Variants in SCUBE2 observed in about 807,000 individuals in gnomAD.
SCUBE2 encodes the protein signal peptide, CUB domain and EGF like domain containing 2, also known as signal peptide, CUB and EGF-like domain-containing protein 2.
In SCUBE2, 114 loss-of-function variants were observed where a neutral mutation model predicts 125.9. That is an observed-to-expected ratio of 0.91 (90% confidence interval 0.78 to 1.06). The LOEUF (loss-of-function observed/expected upper bound fraction) is 1.06, where lower values mean the gene tolerates loss of function less well. SCUBE2 is among the 50% of genes least tolerant of loss of function. The pLI is 0.00. For synonymous variants in SCUBE2, 459 were observed against 492.9 expected, an observed-to-expected ratio of 0.93 and a Z score of 0.91; for missense variants, 1,255 against 1,301.8, an observed-to-expected ratio of 0.96 and a Z score of 0.55.
chr11:9,025,581 T>C, intron 21 of SCUBE2, 121 bp downstream of exon 21: 2 of 1,254,038 alleles, frequency 1.6e-6, no homozygotes, highest in Non-Finnish European at 2.2e-6. Context: ...GCAATGTCTT[T>C]TCCCCTCATC....
In SCUBE2 at chr11:9,091,464, AGC is replaced by A; in HGVS notation, c.63_64del (p.Leu22AlafsTer26). Reference sequence around the variant, plus strand: ...CCCCGCCAGCAGCAGCAGTGGCGGCAGCAGCAGCAGCAGCAGCAGCACCGCCC... The same window carrying A: ...CCCCGCCAGCAGCAGCAGTGGCGGCAAGCAGCAGCAGCAGCAGCACCGCCC... On this transcript the variant is annotated frameshift_variant, in exon 1 of 23. Transcript: ENST00000649792. LOFTEE classifies it high-confidence loss of function. This position sits in a 1 kb window ranked among gnomAD's most constrained non-coding sequence, Gnocchi z 8.5. The A allele has an allele frequency of 5.1e-6, 2 of 391,878 alleles. No individual in the cohort carries two copies. Among genetic ancestry groups the A allele is most frequent in the South Asian group, 1.7e-4 (2 of 11,774 alleles). The allele number at this position is 391,878 out of a possible 1,614,324, so 24.3% of individuals were successfully genotyped here.
intron 2 of SCUBE2, 55 bp downstream of exon 2, chr11:9,089,652 C>T: frequency 6.3e-7 from 1 of 1,594,200 alleles, no homozygotes. Context: ...ACTGCAAGAG[C>T]TAAGGAGGTA....
intron 8 of SCUBE2, chr11:9,059,775 G>C (rs1307158744): frequency 5.0e-6 from 1 of 199,776 alleles, no homozygotes; most frequent in Non-Finnish European, 1.0e-5. Flanking sequence ...ATGTATTCAA[G>C]TTTAATGATT....
At chr11:9,075,001 A>G (rs1005843441) in intron 3 of SCUBE2, among the ~76,000 whole-genome samples, 2 of 152,106 alleles carry the variant, frequency 1.3e-5, no homozygotes, top group Non-Finnish European at 2.9e-5. Context: ...GGATCACCTG[A>G]GGTCAGGAAT....
chr11:9,091,442 C>G lies in SCUBE2; in HGVS notation c.87G>C (p.Ala29=), dbSNP rs907432684. 1.5e-6 allele frequency: 2 copies of G among 1,337,488 alleles called. No homozygotes were observed. Among genetic ancestry groups the G allele is most frequent in the South Asian group, 1.8e-5 (1 of 54,602 alleles). The allele number at this position is 1,337,488 out of a possible 1,614,324, so 82.9% of individuals were successfully genotyped here. ...GGCCCCGACCCGGCGGGACGGCCCC[C>G]GCCAGCAGCAGCAGTGGCGGCAGCA... is the stretch of plus-strand genomic sequence containing the variant. The part of the protein sequence containing the change: ...LLLLPPLLLL[A]GAVPPGRGRA... Residue 29 remains alanine (A), a synonymous_variant, in exon 1 of 23, where the codon GCG becomes GCC. Coordinates refer to ENST00000649792, the MANE Select transcript of SCUBE2 (RefSeq NM_001367977.2). This position sits in a 1 kb window ranked among gnomAD's most constrained non-coding sequence, Gnocchi z 8.5.
rs1406116917 is a variant in SCUBE2, at chr11:9,020,025, G to A, written c.*1020C>T. 6.6e-6 allele frequency among the ~76,000 whole-genome samples: 1 copy of A among 152,198 alleles called. No individual in the cohort carries two copies. The highest frequency in any genetic ancestry group is 1.5e-5 in the Non-Finnish European group (1 of 68,036). On this transcript the variant is annotated 3_prime_UTR_variant, in exon 23 of 23. Coordinates refer to ENST00000649792, the MANE Select transcript of SCUBE2 (RefSeq NM_001367977.2). ...GTTAGAGAATGAGACCACCCTTCAA[G>A]GGGCTGCTCATGTCCACGGAGCAGA...
intron 21 of SCUBE2, chr11:9,024,160 T>C: frequency 1.9e-6 from 2 of 1,052,328 alleles, no homozygotes; most frequent in Non-Finnish European, 2.3e-6. Flanking sequence ...ACAACTCTTT[T>C]TCATTTTAAA....
intron 2 of SCUBE2, among the ~76,000 whole-genome samples, chr11:9,089,213 G>A (rs1862392796): frequency 6.6e-6 from 1 of 152,216 alleles, no homozygotes; most frequent in African/African-American, 2.4e-5. Context: ...GGTCCTTGGT[G>A]TACTCTGAAG....
chr11:9,059,470 T>C, intron 8 of SCUBE2, 45 bp from the exon 9 acceptor site: 2 of 1,584,714 alleles, frequency 1.3e-6, no homozygotes, highest in African/African-American at 2.7e-5. Context: ...AATACTTGCC[T>C]CATTTCCCAC....
intron 11 of SCUBE2, 35 bp downstream of exon 11, chr11:9,053,602 C>T: frequency 6.2e-7 from 1 of 1,608,572 alleles, no homozygotes; most frequent in African/African-American, 1.3e-5. Context: ...CAGTGGCCAG[C>T]CTGCTGTCTG....
chr11:9,053,637 C>A lies in SCUBE2; in HGVS notation c.1330G>T (p.Glu444Ter), dbSNP rs1858671588. Residue 444 changes from glutamate to a stop codon, truncating the protein, a stop_gained and splice_region_variant, in exon 11 of 23, where the codon GAA becomes TAA. Transcript: ENST00000649792. LOFTEE classifies it high-confidence loss of function. ...GAGTCTGTGCCTCGGTTCCCCTTACCCACACAGTCTTTTTTATTCCAGTGG... is the reference window on the plus strand; with the variant it reads ...GAGTCTGTGCCTCGGTTCCCCTTACACACACAGTCTTTTTTATTCCAGTGG... ...KLHWNKKDCV[E>*]VKGLLPTSVS... 6.2e-7 allele frequency: 1 copy of A among 1,613,804 alleles called. No individual in the cohort carries two copies. The highest frequency in any genetic ancestry group is 1.3e-5 in the African/African-American group (1 of 74,908).
chr11:9,056,038 T>C, intron 9 of SCUBE2, 129 bp from the exon 10 acceptor site: 1 of 718,744 alleles, frequency 1.4e-6, no homozygotes, highest in Non-Finnish European at 2.5e-6. Flanking sequence ...ACATTATCTA[T>C]CCATTTTCCT....
intron 19 of SCUBE2, among the ~76,000 whole-genome samples, chr11:9,027,980 A>G (rs1855940590): frequency 6.6e-6 from 1 of 152,228 alleles, no homozygotes; most frequent in Admixed American, 6.5e-5. Context: ...GAGAACTTTG[A>G]TGAAGACAGA....
chr11:9,059,759 T>C (rs1859475638), intron 8 of SCUBE2: 2 of 235,934 alleles, frequency 8.5e-6, no homozygotes, highest in East Asian at 1.8e-4. Context: ...GTCTCTTTAG[T>C]ACACTATGTA....
intron 21 of SCUBE2, 55 bp downstream of exon 21, chr11:9,025,647 G>A: frequency 2.5e-6 from 4 of 1,581,608 alleles, no homozygotes; most frequent in Non-Finnish European, 3.4e-6. Flanking sequence ...TGGCTCCGAA[G>A]TTGGCTCTGT....
At chr11:9,088,729 G>T (rs1255759099) in intron 2 of SCUBE2, among the ~76,000 whole-genome samples, 1 of 152,234 alleles carries the variant, frequency 6.6e-6, no homozygotes, top group Non-Finnish European at 1.5e-5. Context: ...GGGATACTCA[G>T]AGATGAGTTC....
intron 10 of SCUBE2, among the ~76,000 whole-genome samples, chr11:9,053,993 T>G (rs1385671479): frequency 1.0e-5 from 1 of 99,974 alleles, no homozygotes; most frequent in Non-Finnish European, 2.4e-5. Context: ...CTCCACTCTT[T>G]TTTTTTTTTT....
In SCUBE2 at chr11:9,059,210, C is replaced by A. The variant is rs1000005310; in HGVS notation, c.1090+93G>T. The A allele has an allele frequency of 8.9e-6, 13 of 1,461,250 alleles. No homozygotes were observed. In the Admixed American group the frequency reaches 2.1e-4, roughly 24 times the overall value. The allele number at this position is 1,461,250 out of a possible 1,614,324, so 90.5% of individuals were successfully genotyped here. On this transcript the variant is annotated intron_variant, in intron 9 of 22. Coordinates refer to ENST00000649792, the MANE Select transcript of SCUBE2 (RefSeq NM_001367977.2). ...TTGGATTAGTGGCCCTGTCAAGAAG[C>A]CTGATAAGCCAGTCTCTGCCAGGAG...
chr11:9,080,788 C>T (rs186149289), intron 2 of SCUBE2, among the ~76,000 whole-genome samples: 1 of 151,908 alleles, frequency 6.6e-6, no homozygotes, highest in Non-Finnish European at 1.5e-5. Context: ...AACTTTTGCT[C>T]TTCAAACGGT....
Sources: gnomAD v4.1 joint callset for allele counts (sites outside exome capture counted in the v4.1 genomes callset) on GRCh38, gnomAD v4.1.1 for gene constraint, Gnocchi (gnomAD v3.1) non-coding constraint, MANE v1.5 for transcripts, NCBI Gene and HGNC (gene_info 2026-07-23, HGNC 2026-07-21) for gene names.